The following FREM1 variants were observed in gnomAD, a reference collection of about 807,000 sequenced individuals.
FREM1 encodes the protein FRAS1 related extracellular matrix 1, also known as FRAS1-related extracellular matrix protein 1.
In FREM1, 220 loss-of-function variants were observed where a neutral mutation model predicts 210.1. That is an observed-to-expected ratio of 1.05 (90% CI 0.94 to 1.17). FREM1 has a LOEUF of 1.17. Among genes scored for constraint, FREM1 ranks in the 50% most tolerant of loss-of-function variants. The probability of loss-of-function intolerance (pLI) is 0.00; values close to 1 mark genes in which losing one functional copy is unlikely to be tolerated. For synonymous variants in FREM1, 1,189 were observed against 980.2 expected, an observed-to-expected ratio of 1.21 and a Z score of -3.98; for missense variants, 3,454 against 2,675.5, an observed-to-expected ratio of 1.29 and a Z score of -6.42.
rs780384100 is a variant in FREM1 at position 14,770,782 on chromosome 9, G to C, written c.4882C>G (p.Pro1628Ala). The change falls in exon 26 of 37, where the codon CCT becomes GCT. Residue 1628 changes from proline (P) to alanine (A), a missense_variant. Physicochemically the swap from Pro to Ala is conservative, Grantham distance 27. Transcript: ENST00000380880. ...IQVDQLDKTA[P>A]RITLLHSPSQ... ...GGGGAATGCAAGAGTGTGATACGAG[G>C]AGCTGTTTTGTCCAATTGGTCTACC... 6.2e-7 allele frequency: 1 copy of C among 1,612,680 alleles called. No homozygotes were observed.
intron 10 of FREM1, among the ~76,000 whole-genome samples, chr9:14,829,469 A>G (rs573041274): frequency 2.0e-5 from 3 of 152,200 alleles, no homozygotes; most frequent in East Asian, 1.9e-4. Flanking sequence ...TTCATCACCA[A>G]TGCAACAGTG....
intron 1 of FREM1, among the ~76,000 whole-genome samples, chr9:14,907,710 G>A (rs1214596452): frequency 6.6e-6 from 1 of 152,172 alleles, no homozygotes; most frequent in African/African-American, 2.4e-5. Flanking sequence ...AAATACATCT[G>A]AAAATTTTTG....
At chr9:14,789,197 TA>T (rs1318922145) in intron 22 of FREM1, 83 bp from the exon 23 acceptor site, 2 of 828,946 alleles carry the variant, frequency 2.4e-6, no homozygotes, top group Non-Finnish European at 3.5e-6. Context: ...CTGTATCCCC[TA>T]AAAACCTCCA....
chr9:14,858,541 C>T (rs369594104), intron 4 of FREM1, among the ~76,000 whole-genome samples: 3 of 149,762 alleles, frequency 2.0e-5, no homozygotes, highest in South Asian at 4.2e-4. Context: ...ATTTCTCAGA[C>T]GTACAAAATA....
chr9:14,834,662 C>A (rs1463716398), intron 10 of FREM1, among the ~76,000 whole-genome samples: 1 of 151,994 alleles, frequency 6.6e-6, no homozygotes, highest in African/African-American at 2.4e-5. Context: ...GTTCAGAGGG[C>A]CCCTGAAACA....
At chr9:14,782,179 G>T (rs975548713) in intron 24 of FREM1, among the ~76,000 whole-genome samples, 1 of 152,208 alleles carries the variant, frequency 6.6e-6, no homozygotes, top group Non-Finnish European at 1.5e-5. Context: ...TAAGGCCCAA[G>T]AATTTGCATT....
Position 14,851,705 on chromosome 9 carries a change from G to A in FREM1, c.829-98C>T, listed in dbSNP as rs729492. 0.74 allele frequency: 743,566 copies of A among 1,007,578 alleles called. 279,458 individuals carry two copies. Among genetic ancestry groups the A allele is most frequent in the East Asian group, 0.85 (35,698 of 41,996 alleles). 62.4% of individuals were successfully genotyped at this position (1,007,578 alleles called of 1,614,324 possible). A position where few individuals can be genotyped will look rare whatever the true frequency, so the allele number is the denominator to read the frequency against. On this transcript the variant is annotated intron_variant, in intron 5 of 36. Coordinates refer to ENST00000380880, the MANE Select transcript of FREM1 (RefSeq NM_001379081.2). Reference sequence around the variant, plus strand: ...TAATATTTAATACAGCCACAGCCTAGCGTCTAGCAGTGACCTGAAGCCTGG... The same window carrying A: ...TAATATTTAATACAGCCACAGCCTAACGTCTAGCAGTGACCTGAAGCCTGG...
chr9:14,824,851 C>T lies in FREM1; in HGVS notation c.2023G>A (p.Asp675Asn). Residue 675 changes from aspartate (D) to asparagine (N), a missense_variant, in exon 11 of 37, where the codon GAC (aspartate) becomes AAC (asparagine). By Grantham distance (23) the Asp-to-Asn change is conservative. Transcript: ENST00000380880. ...GTTATTGTGTAGACCAGCTCCCTGT[C>T]ATATGATTCTGAATCTATAAAATGT... ...QLHFIDSESYDRELVYTITTP... is the reference protein window; with the variant it reads ...QLHFIDSESYNRELVYTITTP... 6.2e-7 allele frequency: 1 copy of T among 1,613,450 alleles called. No homozygotes were observed. Among genetic ancestry groups the T allele is most frequent in the Non-Finnish European group, 8.5e-7 (1 of 1,179,592 alleles).
chr9:14,812,983 C>T lies in FREM1; in HGVS notation c.2722G>A (p.Val908Ile). 1.2e-6 allele frequency: 2 copies of T among 1,613,548 alleles called. No homozygotes were observed. The highest frequency in any genetic ancestry group is 2.2e-5 in the East Asian group (1 of 44,876). ...VMNCSEGGEV[V>I]ITSEYIFATD... is the part of the protein sequence containing the mutation. ...GCAAAAATGTATTCAGAGGTGATGA[C>T]CACCTCTCCTCCCTCTGAGCAATTC... is the stretch of plus-strand genomic sequence containing the variant. The change falls in exon 16 of 37, where the codon GTC becomes ATC. Residue 908 changes from valine to isoleucine, a missense_variant. Val to Ile is a conservative substitution (Grantham distance 29, BLOSUM62 3). Coordinates refer to ENST00000380880, the MANE Select transcript of FREM1 (RefSeq NM_001379081.2).
intron 5 of FREM1, among the ~76,000 whole-genome samples, chr9:14,855,351 T>C (rs1305947739): frequency 6.6e-6 from 1 of 152,160 alleles, no homozygotes; most frequent in Non-Finnish European, 1.5e-5. Context: ...GAAAAAACTG[T>C]TCCTTGTATT....
intron 19 of FREM1, among the ~76,000 whole-genome samples, chr9:14,803,325 C>CTCCCCTCCCA (rs1817699672): frequency 7.1e-6 from 1 of 140,464 alleles, no homozygotes; most frequent in Admixed American, 7.2e-5. Flanking sequence ...TTCCCCTCCC[C>CTCCCCTCCCA]TCCCCTACCC....
intron 35 of FREM1, among the ~76,000 whole-genome samples, chr9:14,745,110 T>C (rs1001704708): frequency 1.9e-4 from 29 of 152,014 alleles, no homozygotes; most frequent in Admixed American, 8.5e-4. Context: ...GTGGGGTCTA[T>C]TGGAGTTTGG....
Position 14,770,501 on chromosome 9 carries a change from G to T in FREM1, c.5059+104C>A. Reference sequence around the variant, plus strand: ...AACTGCATCTATCAGTAAGCCCTGGGGAGTGTTTACCAAATGGGCCTGCAC... The same window carrying T: ...AACTGCATCTATCAGTAAGCCCTGGTGAGTGTTTACCAAATGGGCCTGCAC... On this transcript the variant is annotated intron_variant, in intron 26 of 36. Transcript: ENST00000380880. 3.8e-6 allele frequency: 3 copies of T among 783,310 alleles called. No homozygotes were observed. In the South Asian group the frequency reaches 4.7e-5, roughly 12 times the overall value. 48.5% of individuals were successfully genotyped at this position (783,310 alleles called of 1,614,324 possible). A position where few individuals can be genotyped will look rare whatever the true frequency, so the allele number is the denominator to read the frequency against.
intron 24 of FREM1, among the ~76,000 whole-genome samples, chr9:14,780,289 G>T (rs1849439276): frequency 1.3e-5 from 2 of 151,920 alleles, no homozygotes; most frequent in African/African-American, 4.8e-5. Flanking sequence ...ATTTGACTGG[G>T]GTGCCTGCCT....
rs1848469735 is a variant in FREM1, at chr9:14,775,885, C to G, written c.4761G>C (p.Gln1587His). The G allele has an allele frequency of 1.9e-6, 3 of 1,613,812 alleles. No homozygotes were observed. The highest frequency in any genetic ancestry group is 1.1e-5 in the South Asian group (1 of 91,078). ...VAYRHSGGDS[Q>H]TDCFTFMATD... ...TGGCCATGAAAGTAAAGCAGTCAGT[C>G]TGGGAGTCCCCTCCTGAGTGCCGAT... The change falls in exon 25 of 37, where the codon CAG becomes CAC. Residue 1587 changes from glutamine to histidine, a missense_variant. Coordinates refer to ENST00000380880, the MANE Select transcript of FREM1 (RefSeq NM_001379081.2).
rs142225027 is a variant in FREM1, at chr9:14,826,842, G to A, written c.1882-1850C>T. Among the ~76,000 whole-genome samples, 182 of 152,288 alleles carry A rather than the reference G, an allele frequency of 1.2e-3. 1 individual carries two copies. Among genetic ancestry groups the A allele is most frequent in the African/African-American group, 4.0e-3 (165 of 41,552 alleles). ...TGTTCCCTCTGGAGTATACAGCAAC[G>A]AGGCACCATCTTGAAAGCAGAGAGC... On this transcript the variant is annotated intron_variant, in intron 10 of 36. Coordinates refer to ENST00000380880, the MANE Select transcript of FREM1 (RefSeq NM_001379081.2).
At chr9:14,838,959 T>C (rs893188913) in intron 10 of FREM1, among the ~76,000 whole-genome samples, 3 of 152,164 alleles carry the variant, frequency 2.0e-5, no homozygotes, top group African/African-American at 7.2e-5. Flanking sequence ...AAGTCCATAG[T>C]CTGGAGAGGG....
rs563185296 is a variant in FREM1, at chr9:14,854,776, T to C, written c.828+2777A>G. On this transcript the variant is annotated intron_variant, in intron 5 of 36. Transcript: ENST00000380880. Reference sequence around the variant, plus strand: ...CTTTTCTGTTTATCATCAATAACCATTGAGAAGATATAATGGGAGAAAAAT... The same window carrying C: ...CTTTTCTGTTTATCATCAATAACCACTGAGAAGATATAATGGGAGAAAAAT... 1.8e-4 allele frequency among the ~76,000 whole-genome samples: 28 copies of C among 152,078 alleles called. No homozygotes were observed. The South Asian group carries it at 1.9e-3, about 10-fold the overall frequency.
At chr9:14,878,311 C>A (rs1456983729) in intron 1 of FREM1, among the ~76,000 whole-genome samples, 1 of 152,104 alleles carries the variant, frequency 6.6e-6, no homozygotes, top group East Asian at 1.9e-4. Flanking sequence ...TCAAACAAAT[C>A]AAGATCCATT....
Sources: allele counts gnomAD v4.1 joint callset (sites outside exome capture counted in the v4.1 genomes callset), GRCh38; gene constraint gnomAD v4.1.1; transcripts MANE v1.5; gene names NCBI Gene and HGNC (gene_info 2026-07-23, HGNC 2026-07-21).